The following ANTXR1 variants were observed in gnomAD, a reference collection of about 807,000 sequenced individuals.
The protein encoded by ANTXR1 is ANTXR cell adhesion molecule 1.
ANTXR1 carries 19 observed loss-of-function variants against 78.1 expected under a neutral mutation model. That is an observed-to-expected ratio of 0.24 (90% CI 0.17 to 0.36). The LOEUF (loss-of-function observed/expected upper bound fraction) is 0.36, where lower values mean the gene tolerates loss of function less well. Ranked by LOEUF, ANTXR1 falls within the 10% of genes least tolerant of loss-of-function variation. ANTXR1 has a pLI of 1.00. For synonymous variants in ANTXR1, 273 were observed against 260.5 expected (o/e 1.05, Z -0.46); for missense variants, 518 against 718.6 (o/e 0.72, Z 3.19).
In ANTXR1 at chr2:69,176,150, G is replaced by A. The variant is rs139138736; in HGVS notation, c.1090-5636G>A. ...AGTCCTAGAGAAGGCCCAAAATTCC[G>A]TATTCTATGTTTTAATACTTTAAAA... On this transcript the variant is annotated intron_variant, in intron 14 of 17. Coordinates refer to ENST00000303714, the MANE Select transcript of ANTXR1 (RefSeq NM_032208.3). 1.5e-3 allele frequency among the ~76,000 whole-genome samples: 224 copies of A among 147,768 alleles called. 1 individual carries two copies. The highest frequency in any genetic ancestry group is 3.6e-3 in the Middle Eastern group (1 of 280).
At chr2:69,242,435 C>T (rs886442394) in intron 17 of ANTXR1, among the ~76,000 whole-genome samples, 1 of 152,184 alleles carries the variant, frequency 6.6e-6, no homozygotes, top group African/African-American at 2.4e-5. Context: ...TGGGAGCTCC[C>T]GATTTTGTCT....
At chr2:69,236,377 C>T (rs1006308895) in intron 17 of ANTXR1, among the ~76,000 whole-genome samples, 1 of 152,020 alleles carries the variant, frequency 6.6e-6, no homozygotes, top group Non-Finnish European at 1.5e-5. Flanking sequence ...TACATATATA[C>T]ACACACATTT....
chr2:69,178,448 C>A (rs1168818463), intron 14 of ANTXR1, among the ~76,000 whole-genome samples: 1 of 152,202 alleles, frequency 6.6e-6, no homozygotes, highest in Non-Finnish European at 1.5e-5. Context: ...CTAGGCATTT[C>A]CTGTTGCGAG....
At chr2:69,199,109 T>TAG (rs1470178007) in intron 17 of ANTXR1, among the ~76,000 whole-genome samples, 2 of 152,186 alleles carry the variant, frequency 1.3e-5, no homozygotes, top group Non-Finnish European at 2.9e-5. Context: ...AATTAACCAC[T>TAG]AGGCCAGGAC....
intron 1 of ANTXR1, among the ~76,000 whole-genome samples, chr2:69,025,813 TG>T (rs1405691023): frequency 6.6e-6 from 1 of 152,262 alleles, no homozygotes; most frequent in Non-Finnish European, 1.5e-5. Flanking sequence ...CTATGCTTGT[TG>T]TCCCAGCATA....
intron 16 of ANTXR1, 92 bp from the exon 17 acceptor site, chr2:69,193,243 G>A (rs1674583268): frequency 6.9e-6 from 7 of 1,007,506 alleles, no homozygotes; most frequent in Non-Finnish European, 9.5e-6. Flanking sequence ...TTGTTCACAT[G>A]ACTGAAGAAG....
intron 8 of ANTXR1, among the ~76,000 whole-genome samples, chr2:69,082,626 T>A (rs928660379): frequency 6.6e-6 from 1 of 152,068 alleles, no homozygotes; most frequent in South Asian, 2.1e-4. Flanking sequence ...AAAAGCTGGG[T>A]TCAGATAACA....
Position 69,013,787 on chromosome 2 carries a change from G to T in ANTXR1, c.152+136G>T. ...GCCACAGAGGGACCGCGCGGCAGGC[G>T]GCGGCGGAGTGCTGCGCCTTTGTTG... On this transcript the variant is annotated intron_variant, in intron 1 of 17. Coordinates refer to ENST00000303714, the MANE Select transcript of ANTXR1 (RefSeq NM_032208.3). This position sits in a 1 kb window ranked among gnomAD's most constrained non-coding sequence, Gnocchi z 5.0. 6.9e-7 allele frequency: 1 copy of T among 1,448,000 alleles called. No homozygotes were observed. Among genetic ancestry groups the T allele is most frequent in the Non-Finnish European group, 9.5e-7 (1 of 1,058,162 alleles). The allele number at this position is 1,448,000 out of a possible 1,614,324, so 89.7% of individuals were successfully genotyped here.
chr2:69,044,723 A>T lies in ANTXR1; in HGVS notation c.225-19A>T. 1 of 1,613,256 alleles carries T rather than the reference A, an allele frequency of 6.2e-7. No individual in the cohort carries two copies. Among genetic ancestry groups the T allele is most frequent in the Non-Finnish European group, 8.5e-7 (1 of 1,179,368 alleles). ...GCAGTCTTATTGTCTGTCCTAATAG[A>T]GCTTCTTTTCCTTTCCAGCCCACAG... On this transcript the variant is annotated intron_variant, in intron 2 of 17. Coordinates refer to ENST00000303714, the MANE Select transcript of ANTXR1 (RefSeq NM_032208.3).
At chr2:69,083,245 T>G (rs72897346) in intron 8 of ANTXR1, among the ~76,000 whole-genome samples, 3,173 of 152,306 alleles carry the variant, frequency 0.021, 105 homozygotes, top group African/African-American at 0.071. Flanking sequence ...CATGTCACAT[T>G]CCCAAAGTCC....
At chr2:69,063,607 A>G (rs1045190064) in intron 3 of ANTXR1, among the ~76,000 whole-genome samples, 2 of 151,992 alleles carry the variant, frequency 1.3e-5, no homozygotes, top group African/African-American at 2.4e-5. Flanking sequence ...AAGAAGGAAG[A>G]GTACCAGAAA....
In ANTXR1 at chr2:69,228,912, C is replaced by T. The variant is rs571730548; in HGVS notation, c.1435-16313C>T. Among the ~76,000 whole-genome samples the T allele has an allele frequency of 2.2e-4, 33 of 152,274 alleles. No individual in the cohort carries two copies. The South Asian group carries it at 6.6e-3, about 31-fold the overall frequency. ...CTTAAACAACAGAAATTTATTTTCTCACAGTACTGGAGACTGGAGGTCTGA... is the reference window on the plus strand; with the variant it reads ...CTTAAACAACAGAAATTTATTTTCTTACAGTACTGGAGACTGGAGGTCTGA... On this transcript the variant is annotated intron_variant, in intron 17 of 17. Transcript: ENST00000303714.
At position 69,070,622 on chromosome 2, in the gene ANTXR1, C is replaced by T. The variant is rs767665224; in HGVS notation, c.297-25C>T. The T allele has an allele frequency of 1.9e-6, 3 of 1,610,344 alleles. No individual in the cohort carries two copies. The Admixed American group carries it at 5.0e-5, about 27-fold the overall frequency. Reference sequence around the variant, plus strand: ...CAAAGTAAAAAATACTCAAATAAGACTAACAGAGTGTCTTTGGATTTCAGA... The same window carrying T: ...CAAAGTAAAAAATACTCAAATAAGATTAACAGAGTGTCTTTGGATTTCAGA... On this transcript the variant is annotated intron_variant, in intron 3 of 17. Coordinates refer to ENST00000303714, the MANE Select transcript of ANTXR1 (RefSeq NM_032208.3).
At chr2:69,214,420 G>A (rs1032571393) in intron 17 of ANTXR1, among the ~76,000 whole-genome samples, 1 of 152,198 alleles carries the variant, frequency 6.6e-6, no homozygotes, top group Non-Finnish European at 1.5e-5. Context: ...GGCAGGCCCT[G>A]TAACTGTTCA....
chr2:69,051,806 A>G (rs1468741284), intron 3 of ANTXR1, among the ~76,000 whole-genome samples: 1 of 151,974 alleles, frequency 6.6e-6, no homozygotes, highest in East Asian at 1.9e-4. Context: ...GCTTATGTGT[A>G]TTTTCATTAT....
chr2:69,103,934 G>C (rs967536943), intron 10 of ANTXR1, among the ~76,000 whole-genome samples: 9 of 138,788 alleles, frequency 6.5e-5, no homozygotes, highest in African/African-American at 2.4e-4. Flanking sequence ...CCTCCTGATA[G>C]CCTATTTTTT....
In ANTXR1 at chr2:69,152,213, G is replaced by T; in HGVS notation, c.996G>T (p.Leu332=). The change falls in exon 13 of 18, where the codon CTG becomes CTT. Residue 332 remains leucine (L), a synonymous_variant. Coordinates refer to ENST00000303714, the MANE Select transcript of ANTXR1 (RefSeq NM_032208.3). ...CCATCGCCCTGCTGATCCTGTTCCT[G>T]CTCCTAGCCCTGGCTCTCCTCTGGT... is the stretch of plus-strand genomic sequence containing the variant. ...ILAIALLILF[L]LLALALLWWF... is the part of the protein sequence containing the mutation. The T allele has an allele frequency of 6.2e-7, 1 of 1,614,116 alleles. No homozygotes were observed. The highest frequency in any genetic ancestry group is 8.5e-7 in the Non-Finnish European group (1 of 1,180,018).
At chr2:69,144,285 G>T (rs1379365271) in intron 12 of ANTXR1, among the ~76,000 whole-genome samples, 1 of 152,164 alleles carries the variant, frequency 6.6e-6, no homozygotes. Flanking sequence ...CTGCCCTCAG[G>T]GTCTCTCCTT....
At chr2:69,213,572 G>A (rs1675103213) in intron 17 of ANTXR1, among the ~76,000 whole-genome samples, 1 of 152,238 alleles carries the variant, frequency 6.6e-6, no homozygotes, top group Non-Finnish European at 1.5e-5. Context: ...TTTGTAAGCT[G>A]TCATGCCAGT....
Sources: allele counts gnomAD v4.1 joint callset (sites outside exome capture counted in the v4.1 genomes callset), GRCh38; gene constraint gnomAD v4.1.1; non-coding constraint Gnocchi (gnomAD v3.1); transcripts MANE v1.5; gene names NCBI Gene and HGNC (gene_info 2026-07-23, HGNC 2026-07-21).